TMEM108: variants seen among roughly 807,000 people sequenced by gnomAD.
TMEM108 encodes the protein cancer/testis antigen 124.
TMEM108 carries 12 observed loss-of-function variants against 35.1 expected under a neutral mutation model. That is an observed-to-expected ratio of 0.34 (90% CI 0.22 to 0.55). The LOEUF is 0.55. Ranked by LOEUF, TMEM108 falls within the 20% of genes least tolerant of loss-of-function variation. The pLI is 0.89. For synonymous variants in TMEM108, 287 were observed against 308.6 expected (o/e 0.93, Z 0.73); for missense variants, 680 against 753.3 (o/e 0.90, Z 1.14).
Position 133,390,395 on chromosome 3 carries a change from G to A in TMEM108, c.1605+61G>A, listed in dbSNP as rs2073216572. Reference sequence around the variant, plus strand: ...AAACCAGGTCCAAAGAGAGCCATGGGGCATCTGCTCATTTCTGAGTGCCTT... The same window carrying A: ...AAACCAGGTCCAAAGAGAGCCATGGAGCATCTGCTCATTTCTGAGTGCCTT... On this transcript the variant is annotated intron_variant, in intron 5 of 5. Transcript: ENST00000321871. 2.5e-6 allele frequency: 4 copies of A among 1,584,950 alleles called. No homozygotes were observed. In the South Asian group the frequency reaches 3.4e-5, roughly 13 times the overall value.
At chr3:133,264,432 C>T (rs34993787) in intron 3 of TMEM108, among the ~76,000 whole-genome samples, 11 of 152,156 alleles carry the variant, frequency 7.2e-5, no homozygotes, top group Non-Finnish European at 1.6e-4. Context: ...TGCAGCTGCA[C>T]GTCTGTGGTT....
At chr3:133,142,714 A>T (rs1001553959) in intron 2 of TMEM108, among the ~76,000 whole-genome samples, 1 of 152,214 alleles carries the variant, frequency 6.6e-6, no homozygotes, top group East Asian at 1.9e-4. Context: ...TAATACTTTA[A>T]CTCACAATCT....
intron 2 of TMEM108, among the ~76,000 whole-genome samples, chr3:133,148,206 C>T (rs1944748850): frequency 6.6e-6 from 1 of 152,120 alleles, no homozygotes; most frequent in African/African-American, 2.4e-5. Context: ...ATGGCTGATT[C>T]TAAGACTGGG....
chr3:133,350,321 A>G (rs1355654475), intron 3 of TMEM108, among the ~76,000 whole-genome samples: 1 of 152,148 alleles, frequency 6.6e-6, no homozygotes, highest in Admixed American at 6.6e-5. Flanking sequence ...GTTAATAGGT[A>G]AAAGGTTACA....
At chr3:133,277,644 C>T (rs1056737493) in intron 3 of TMEM108, among the ~76,000 whole-genome samples, 4 of 152,150 alleles carry the variant, frequency 2.6e-5, no homozygotes, top group South Asian at 4.1e-4. Context: ...CGCCGGGCAC[C>T]GCATTGTTCT....
intron 3 of TMEM108, among the ~76,000 whole-genome samples, chr3:133,350,416 G>A (rs181563527): frequency 6.6e-6 from 1 of 151,882 alleles, no homozygotes; most frequent in Admixed American, 6.6e-5. Context: ...CTAAATACTA[G>A]AAGAGAGGCT....
chr3:133,240,205 G>A (rs1946293873), intron 3 of TMEM108, among the ~76,000 whole-genome samples: 1 of 152,158 alleles, frequency 6.6e-6, no homozygotes, highest in Non-Finnish European at 1.5e-5. Context: ...TCTCTAGGGA[G>A]AATAGATCTC....
intron 3 of TMEM108, 79 bp downstream of exon 3, chr3:133,229,430 G>A (rs1221381270): frequency 1.4e-6 from 2 of 1,409,264 alleles, no homozygotes; most frequent in East Asian, 2.4e-5. Context: ...TTACTTTTTG[G>A]ACGGAGACCA....
At chr3:133,187,953 AC>A (rs1487389710) in intron 2 of TMEM108, among the ~76,000 whole-genome samples, 1 of 151,100 alleles carries the variant, frequency 6.6e-6, no homozygotes, top group African/African-American at 2.4e-5. Flanking sequence ...TACCTCATGT[AC>A]CTCTACTTCC....
intron 2 of TMEM108, among the ~76,000 whole-genome samples, chr3:133,199,402 C>T (rs538746428): frequency 8.5e-5 from 13 of 152,272 alleles, no homozygotes; most frequent in Non-Finnish European, 1.8e-4. Context: ...TCTGATTTCT[C>T]CCCATCTTTG....
chr3:133,229,621 A>G (rs1181174905), intron 3 of TMEM108, among the ~76,000 whole-genome samples: 2 of 152,154 alleles, frequency 1.3e-5, no homozygotes. Context: ...TATAATTTAA[A>G]CTCCATTATA....
At chr3:133,178,863 T>C (rs1354503715) in intron 2 of TMEM108, among the ~76,000 whole-genome samples, 2 of 151,854 alleles carry the variant, frequency 1.3e-5, no homozygotes, top group Non-Finnish European at 2.9e-5. Flanking sequence ...ACCATCAGAG[T>C]GAACAGGCAA....
chr3:133,379,774 G>T lies in TMEM108; in HGVS notation c.63G>T (p.Leu21=). The T allele has an allele frequency of 6.2e-7, 1 of 1,613,752 alleles. No homozygotes were observed. Among genetic ancestry groups the T allele is most frequent in the South Asian group, 1.1e-5 (1 of 91,028 alleles). Residue 21 remains leucine, a synonymous_variant, in exon 4 of 6, where the codon CTG becomes CTT. Transcript: ENST00000321871. ...QLLSFLLILA[L]TEALAFAIQE... The stretch of plus-strand genomic sequence containing the variant: ...AAGGTTTCCTGCTGATCTTGGCACT[G>T]ACCGAAGCGCTGGCATTTGCCATCC...
At chr3:133,054,707 C>G (rs879581061) in intron 2 of TMEM108, among the ~76,000 whole-genome samples, 1 of 152,164 alleles carries the variant, frequency 6.6e-6, no homozygotes, top group Admixed American at 6.5e-5. Flanking sequence ...AAGGCTCTGT[C>G]TTTATTTATG....
chr3:133,138,443 T>TGG (rs1266594071), intron 2 of TMEM108, among the ~76,000 whole-genome samples: 1 of 152,124 alleles, frequency 6.6e-6, no homozygotes, highest in African/African-American at 2.4e-5. Flanking sequence ...CAGGACAGCT[T>TGG]TGAATGTGGC....
chr3:133,325,568 A>G (rs114030002), intron 3 of TMEM108, among the ~76,000 whole-genome samples: 1,729 of 152,202 alleles, frequency 0.011, 35 homozygotes, highest in South Asian at 0.045. Context: ...TAAAATCAAT[A>G]CATGTTAGCC....
intron 2 of TMEM108, among the ~76,000 whole-genome samples, chr3:133,170,418 C>T (rs1215262819): frequency 2.0e-5 from 3 of 152,120 alleles, no homozygotes; most frequent in Non-Finnish European, 4.4e-5. Flanking sequence ...TCTAGGATCT[C>T]CCAACTCTCA....
intron 3 of TMEM108, among the ~76,000 whole-genome samples, chr3:133,236,497 A>G (rs959851076): frequency 9.2e-5 from 14 of 152,012 alleles, no homozygotes; most frequent in Non-Finnish European, 1.9e-4. Flanking sequence ...ACACACACAA[A>G]TCCATATTAC....
intron 3 of TMEM108, among the ~76,000 whole-genome samples, chr3:133,369,368 G>A (rs571367553): frequency 4.6e-5 from 7 of 152,202 alleles, no homozygotes; most frequent in African/African-American, 1.2e-4. Flanking sequence ...GGACGTATCC[G>A]TGTCCAGCAT....
Sources: allele counts gnomAD v4.1 joint callset (sites outside exome capture counted in the v4.1 genomes callset), GRCh38; gene constraint gnomAD v4.1.1; transcripts MANE v1.5; gene names NCBI Gene and HGNC (gene_info 2026-07-23, HGNC 2026-07-21).